The following KCNH5 variants were observed in gnomAD, a reference collection of about 807,000 sequenced individuals.
KCNH5 encodes the protein voltage-gated delayed rectifier potassium channel KCNH5.
Under a neutral mutation model 96.1 loss-of-function variants are expected in KCNH5, and 46 were observed. The observed-to-expected ratio is 0.48, with a 90% confidence interval of 0.38 to 0.61. The LOEUF (loss-of-function observed/expected upper bound fraction) is 0.61. Ranked by LOEUF, KCNH5 falls within the 20% of genes least tolerant of loss-of-function variation. KCNH5 has a pLI of 0.00. For missense variants in KCNH5, 907 were observed against 1,225.8 expected (o/e 0.74, Z 3.88); for synonymous variants, 439 against 449.8 (o/e 0.98, Z 0.30).
In KCNH5 at chr14:62,701,008, A is replaced by G. The variant is rs529275595; in HGVS notation, c.*6500T>C. ...TTAAATTAGTTATTATGGATACTCA[A>G]TCTGGTTTATTGAAGCTTCAAGGTG... On this transcript the variant is annotated 3_prime_UTR_variant, in exon 11 of 11. Transcript: ENST00000322893. 6.6e-6 allele frequency: 1 copy of G among 152,282 alleles called. No homozygotes were observed. Among genetic ancestry groups the G allele is most frequent in the East Asian group, 1.9e-4 (1 of 5,180 alleles). 9.4% of individuals were successfully genotyped at this position (152,282 alleles called of 1,614,324 possible).
intron 7 of KCNH5, among the ~76,000 whole-genome samples, chr14:62,862,816 G>A (rs925443687): frequency 1.3e-5 from 2 of 152,146 alleles, no homozygotes; most frequent in African/African-American, 4.8e-5. Context: ...GCTGCCTGAG[G>A]AAACCCAAGC....
chr14:62,829,381 G>A (rs1887294802), intron 8 of KCNH5, among the ~76,000 whole-genome samples: 1 of 152,130 alleles, frequency 6.6e-6, no homozygotes. Context: ...TTCTCCCTAA[G>A]GGCTCCACCC....
chr14:62,712,209 TA>T lies in KCNH5; in HGVS notation c.2020-3755del, dbSNP rs199512994. 1,193 of 120,818 alleles carry T rather than the reference TA, an allele frequency of 9.9e-3. 28 individuals are homozygous for T. The East Asian group carries it at 0.11, about 12-fold the overall frequency. The allele number at this position is 120,818 out of a possible 1,614,324, so 7.5% of individuals were successfully genotyped here. On this transcript the variant is annotated intron_variant, in intron 10 of 10. Transcript: ENST00000322893. ...CAGGTTTTTAAGAGGTAGTTTTTTT[TA>T]AAAAAAATACTAGTTTGAATTGACT... is the stretch of plus-strand genomic sequence containing the variant.
At chr14:62,771,757 C>T (rs1161907359) in intron 10 of KCNH5, among the ~76,000 whole-genome samples, 1 of 152,124 alleles carries the variant, frequency 6.6e-6, no homozygotes, top group African/African-American at 2.4e-5. Context: ...TATCAACATC[C>T]AATGGGCCCC....
At chr14:62,986,231 T>C (rs1480801690) in intron 5 of KCNH5, among the ~76,000 whole-genome samples, 1 of 152,180 alleles carries the variant, frequency 6.6e-6, no homozygotes, top group Non-Finnish European at 1.5e-5. Flanking sequence ...TGGTAAAAAC[T>C]ATGGACCTCT....
chr14:62,838,140 A>G (rs1267777484), intron 8 of KCNH5, among the ~76,000 whole-genome samples: 1 of 152,184 alleles, frequency 6.6e-6, no homozygotes, highest in Non-Finnish European at 1.5e-5. Flanking sequence ...CATGCATTTA[A>G]TTTTCAACCT....
At chr14:62,923,110 A>C (rs1379947632) in intron 7 of KCNH5, among the ~76,000 whole-genome samples, 1 of 151,964 alleles carries the variant, frequency 6.6e-6, no homozygotes, top group East Asian at 1.9e-4. Context: ...AAGCTAAAAC[A>C]AATTCAGTAC....
intron 2 of KCNH5, among the ~76,000 whole-genome samples, chr14:63,011,008 G>A (rs997837873): frequency 4.6e-5 from 7 of 152,032 alleles, no homozygotes; most frequent in Admixed American, 1.3e-4. Context: ...CAAATCCTTC[G>A]TCAAAACAAA....
At chr14:63,002,945 G>C (rs1891038252) in intron 3 of KCNH5, among the ~76,000 whole-genome samples, 1 of 152,058 alleles carries the variant, frequency 6.6e-6, no homozygotes, top group African/African-American at 2.4e-5. Context: ...TGAGTGATGT[G>C]CACGGTTTTA....
intron 10 of KCNH5, among the ~76,000 whole-genome samples, chr14:62,747,091 C>T (rs369040829): frequency 1.3e-3 from 193 of 152,272 alleles, no homozygotes; most frequent in African/African-American, 4.1e-3. Flanking sequence ...CCCAGCACTT[C>T]GGGAACCCGA....
intron 9 of KCNH5, among the ~76,000 whole-genome samples, chr14:62,781,612 G>A (rs1886218898): frequency 6.6e-6 from 1 of 152,212 alleles, no homozygotes; most frequent in South Asian, 2.1e-4. Context: ...GTTCCATGCT[G>A]AGAAAAAGAA....
chr14:62,758,801 G>A (rs2139953019), intron 10 of KCNH5, among the ~76,000 whole-genome samples: 1 of 152,270 alleles, frequency 6.6e-6, no homozygotes, highest in South Asian at 2.1e-4. Flanking sequence ...AGGTTAGTAT[G>A]GAAAAAGGAG....
chr14:62,959,592 ATTGT>A (rs1206545290), intron 6 of KCNH5, among the ~76,000 whole-genome samples: 2 of 152,016 alleles, frequency 1.3e-5, no homozygotes, highest in African/African-American at 2.4e-5. Flanking sequence ...AAAAAAACAG[ATTGT>A]TTGTCTTATA....
At chr14:62,915,076 G>A (rs113949924) in intron 7 of KCNH5, among the ~76,000 whole-genome samples, 229 of 152,342 alleles carry the variant, frequency 1.5e-3, no homozygotes, top group African/African-American at 5.3e-3. Context: ...GTGAACCAGA[G>A]ATCTCCCTGC....
intron 7 of KCNH5, among the ~76,000 whole-genome samples, chr14:62,925,142 T>A (rs1344896658): frequency 2.0e-5 from 3 of 151,942 alleles, no homozygotes; most frequent in Non-Finnish European, 2.9e-5. Context: ...AAATTGATTG[T>A]TTGCCCTGGT....
At chr14:62,794,147 G>A (rs1313314399) in intron 9 of KCNH5, among the ~76,000 whole-genome samples, 2 of 151,916 alleles carry the variant, frequency 1.3e-5, no homozygotes, top group Non-Finnish European at 2.9e-5. Flanking sequence ...CTTAGTAGCT[G>A]ATTTAGCCAA....
chr14:62,804,507 T>A (rs1004579285), intron 8 of KCNH5, among the ~76,000 whole-genome samples: 3 of 151,920 alleles, frequency 2.0e-5, no homozygotes, highest in South Asian at 2.1e-4. Flanking sequence ...CCAGAAAGTG[T>A]GGGAGGTGGG....
Position 62,884,181 on chromosome 14 carries a change from T to C in KCNH5, c.1370-34329A>G, listed in dbSNP as rs141126476. ...AACTTGAAAATAACTCAAAAAATTCTATTTAACCCACAATGTATCTATAAT... is the reference window on the plus strand; with the variant it reads ...AACTTGAAAATAACTCAAAAAATTCCATTTAACCCACAATGTATCTATAAT... On this transcript the variant is annotated intron_variant, in intron 7 of 10. Coordinates refer to ENST00000322893, the MANE Select transcript of KCNH5 (RefSeq NM_139318.5). 1.5e-3 allele frequency among the ~76,000 whole-genome samples: 225 copies of C among 152,332 alleles called. 5 individuals carry two copies. The highest frequency in any genetic ancestry group is 5.1e-3 in the African/African-American group (210 of 41,574).
chr14:62,948,307 T>C (rs972655837), intron 7 of KCNH5, among the ~76,000 whole-genome samples: 13 of 152,172 alleles, frequency 8.5e-5, no homozygotes, highest in Admixed American at 1.3e-4. Context: ...TGTGTCTTTA[T>C]AGCAGCATAT....
Sources: allele counts gnomAD v4.1 joint callset (sites outside exome capture counted in the v4.1 genomes callset), GRCh38; gene constraint gnomAD v4.1.1; transcripts MANE v1.5; gene names NCBI Gene and HGNC (gene_info 2026-07-23, HGNC 2026-07-21).